ZNF362: variants seen among roughly 807,000 people sequenced by gnomAD.
ZNF362 encodes the protein rotund homolog.
A neutral mutation model predicts 42.9 loss-of-function variants in ZNF362; 11 were observed. The observed-to-expected ratio is 0.26, with a 90% CI of 0.16 to 0.42. The LOEUF is 0.42. Ranked by LOEUF, ZNF362 falls within the 20% of genes least tolerant of loss-of-function variation. The pLI is 1.00. For synonymous variants in ZNF362, 255 were observed against 257.3 expected (o/e 0.99, Z 0.09); for missense variants, 362 against 576.2 (o/e 0.63, Z 3.81).
At chr1:33,154,423 T>C in the ZNF362 span, among the ~76,000 whole-genome samples, 2 of 152,194 alleles carry the variant, frequency 1.3e-5, no homozygotes, top group Non-Finnish European at 2.9e-5. Flanking sequence ...ATCTGGGGCC[T>C]GCCAGCTTCT....
At chr1:33,210,090 T>C in the ZNF362 span, among the ~76,000 whole-genome samples, 1 of 152,236 alleles carries the variant, frequency 6.6e-6, no homozygotes, top group Non-Finnish European at 1.5e-5. Context: ...CTCTACACAC[T>C]GCTTTAAATG....
the ZNF362 span, among the ~76,000 whole-genome samples, chr1:33,127,867 G>A: frequency 6.6e-6 from 1 of 152,008 alleles, no homozygotes; most frequent in African/African-American, 2.4e-5. Context: ...GCCTTCACTC[G>A]CATTATTCAA....
chr1:33,147,262 T>C, the ZNF362 span: 1 of 1,614,114 alleles, frequency 6.2e-7, no homozygotes, highest in Non-Finnish European at 8.5e-7. The surrounding 1 kb of genome is among the most constrained non-coding windows in gnomAD (Gnocchi z 8.1). Flanking sequence ...AGAGCAGAGC[T>C]TGCCAGGGAA....
At chr1:33,153,344 T>A in the ZNF362 span, among the ~76,000 whole-genome samples, 7 of 152,326 alleles carry the variant, frequency 4.6e-5, no homozygotes, top group Middle Eastern at 0.024. Flanking sequence ...TGGAGCACAG[T>A]CTGTTCCTCC....
At chr1:33,238,475 G>A in the ZNF362 span, among the ~76,000 whole-genome samples, 3,530 of 152,092 alleles carry the variant, frequency 0.023, 43 homozygotes, top group Non-Finnish European at 0.029. Flanking sequence ...TCATGTGACC[G>A]TGGCTGAACC....
intron 4 of ZNF362, among the ~76,000 whole-genome samples, chr1:33,278,438 C>T (rs1057057711): frequency 6.6e-6 from 1 of 152,156 alleles, no homozygotes; most frequent in Admixed American, 6.5e-5. Context: ...AGCCTTAATC[C>T]TACTATTGTT....
chr1:33,216,894 A>G, the ZNF362 span, among the ~76,000 whole-genome samples: 1 of 151,766 alleles, frequency 6.6e-6, no homozygotes, highest in African/African-American at 2.4e-5. Flanking sequence ...AAGGCCTTGA[A>G]TAAGGGCGGT....
chr1:33,197,556 G>C, the ZNF362 span, among the ~76,000 whole-genome samples: 1 of 152,132 alleles, frequency 6.6e-6, no homozygotes. Context: ...TCAAGGCATT[G>C]GACATTAGGC....
chr1:33,247,859 T>C, the ZNF362 span, among the ~76,000 whole-genome samples: 2 of 152,324 alleles, frequency 1.3e-5, no homozygotes, highest in African/African-American at 4.8e-5. Context: ...ATGAGCTCCT[T>C]AGACTCGGTA....
the ZNF362 span, chr1:33,176,387 G>A: frequency 1.5e-6 from 1 of 684,714 alleles, no homozygotes; most frequent in Non-Finnish European, 2.7e-6. Context: ...TGGTGTCACT[G>A]GATCACCATA....
At chr1:33,136,975 C>CTGGACTCA in the ZNF362 span, among the ~76,000 whole-genome samples, 10 of 149,212 alleles carry the variant, frequency 6.7e-5, no homozygotes, top group African/African-American at 2.5e-4. Flanking sequence ...CCAGCCTGGG[C>CTGGACTCA]GACAGAGCAA....
the ZNF362 span, among the ~76,000 whole-genome samples, chr1:33,224,783 A>G: frequency 2.0e-5 from 3 of 152,240 alleles, no homozygotes; most frequent in Non-Finnish European, 2.9e-5. Flanking sequence ...AAAGATATCA[A>G]GTCATAAGAT....
At chr1:33,175,031 T>TATGTATATGTATATGTATATGTATATGTA in the ZNF362 span, among the ~76,000 whole-genome samples, 271 of 147,148 alleles carry the variant, frequency 1.8e-3, 1 homozygote, top group African/African-American at 6.0e-3. Flanking sequence ...ATGTATATGT[T>TATGTATATGTATATGTATATGTATATGTA]TATGTATATG....
At chr1:33,292,942 G>C (rs1332315039) in intron 6 of ZNF362, among the ~76,000 whole-genome samples, 1 of 152,232 alleles carries the variant, frequency 6.6e-6, no homozygotes, top group Non-Finnish European at 1.5e-5. Context: ...GAAATGTGCA[G>C]GGGTGCTCAG....
At chr1:33,180,954 G>GA in the ZNF362 span, 11 of 883,056 alleles carry the variant, frequency 1.2e-5, no homozygotes, top group Admixed American at 2.7e-5. Flanking sequence ...GTCCAGCCCT[G>GA]ACCCCACCCC....
At chr1:33,129,141 G>A in the ZNF362 span, among the ~76,000 whole-genome samples, 3 of 152,182 alleles carry the variant, frequency 2.0e-5, no homozygotes, top group Non-Finnish European at 4.4e-5. The surrounding 1 kb of genome is among the most constrained non-coding windows in gnomAD (Gnocchi z 4.1). Flanking sequence ...CCGGAGTATA[G>A]GATGGAAGGT....
At chr1:33,165,205 G>T in the ZNF362 span, 4 of 355,312 alleles carry the variant, frequency 1.1e-5, no homozygotes, top group African/African-American at 6.4e-5. The surrounding 1 kb of genome is among the most constrained non-coding windows in gnomAD (Gnocchi z 4.0). Flanking sequence ...CACCCAAAGT[G>T]GGAAGGGAGA....
the ZNF362 span, among the ~76,000 whole-genome samples, chr1:33,209,525 A>G: frequency 1.3e-5 from 2 of 152,342 alleles, no homozygotes; most frequent in African/African-American, 4.8e-5. Context: ...TACCTCTGGT[A>G]GAATTCGGCT....
the ZNF362 span, among the ~76,000 whole-genome samples, chr1:33,155,736 G>C: frequency 6.6e-6 from 1 of 152,112 alleles, no homozygotes; most frequent in African/African-American, 2.4e-5. Flanking sequence ...CTCTATCCAG[G>C]TCTCTCCTCT....
Sources: allele counts gnomAD v4.1 joint callset (sites outside exome capture counted in the v4.1 genomes callset), GRCh38; gene constraint gnomAD v4.1.1; non-coding constraint Gnocchi (gnomAD v3.1); transcripts MANE v1.5; gene names NCBI Gene and HGNC (gene_info 2026-07-23, HGNC 2026-07-21).